DHX40: variants seen among roughly 807,000 people sequenced by gnomAD.
DHX40 encodes the protein DEAH-box helicase 40.
In DHX40, 28 loss-of-function variants were observed where a neutral mutation model predicts 89.6. The observed-to-expected ratio is 0.31, with a 90% CI of 0.23 to 0.43. The LOEUF (loss-of-function observed/expected upper bound fraction) is 0.43, where lower values mean the gene tolerates loss of function less well. Among genes scored for constraint, DHX40 ranks in the 20% least tolerant of loss-of-function variants. DHX40 has a pLI of 1.00. For synonymous variants in DHX40, 226 were observed against 283.6 expected (o/e 0.80, Z 2.04); for missense variants, 457 against 844.0 (o/e 0.54, Z 5.68).
At chr17:59,574,617 A>G (rs1454493202) in intron 6 of DHX40, among the ~76,000 whole-genome samples, 1 of 149,844 alleles carries the variant, frequency 6.7e-6, no homozygotes, top group Admixed American at 6.6e-5. Flanking sequence ...TATATGTAAA[A>G]CACACTGACC....
intron 7 of DHX40, 156 bp from the exon 8 acceptor site, chr17:59,577,110 C>G: frequency 3.0e-6 from 2 of 673,188 alleles, no homozygotes; most frequent in Non-Finnish European, 5.4e-6. Context: ...ACCTTGTGAT[C>G]CTCCCGCCTC....
rs2048833465 is a variant in DHX40, at chr17:59,573,100, G to T, written c.427-16G>T. 2 of 1,599,158 alleles carry T rather than the reference G, an allele frequency of 1.3e-6. No individual in the cohort carries two copies. The highest frequency in any genetic ancestry group is 1.7e-6 in the Non-Finnish European group (2 of 1,175,066). The stretch of plus-strand genomic sequence containing the variant: ...AATAGTGGTGAATTCCTGTGACACT[G>T]CTGTTTGAACATTAGGAGACAGCAA... On this transcript the variant is annotated splice_polypyrimidine_tract_variant and intron_variant, in intron 3 of 17. Transcript: ENST00000251241.
At chr17:59,598,150 A>C (rs1416225265) in intron 12 of DHX40, among the ~76,000 whole-genome samples, 6 of 152,022 alleles carry the variant, frequency 3.9e-5, no homozygotes, top group Admixed American at 3.9e-4. Context: ...TACAGGTGTG[A>C]GCTACCACAC....
At chr17:59,593,739 C>T (rs2049111935) in intron 12 of DHX40, among the ~76,000 whole-genome samples, 1 of 146,780 alleles carries the variant, frequency 6.8e-6, no homozygotes, top group South Asian at 2.2e-4. Flanking sequence ...ACCTTGGCCT[C>T]CCAAAGTGCT....
chr17:59,591,904 T>C (rs2143310296), intron 12 of DHX40, among the ~76,000 whole-genome samples: 1 of 152,042 alleles, frequency 6.6e-6, no homozygotes, highest in East Asian at 1.9e-4. Context: ...AGTCTCACTC[T>C]GTTGCCCAGG....
At chr17:59,603,178 CTG>C (rs1257440778) in intron 15 of DHX40, 2 of 152,092 alleles carry the variant, frequency 1.3e-5, no homozygotes, top group African/African-American at 4.8e-5. Flanking sequence ...GGAATGATCT[CTG>C]TGCTGTTGGA....
chr17:59,581,069 G>A (rs2048940036), intron 10 of DHX40, among the ~76,000 whole-genome samples: 2 of 150,434 alleles, frequency 1.3e-5, no homozygotes, highest in Admixed American at 1.3e-4. Flanking sequence ...TCAACAGAGC[G>A]AGATTCTGTC....
At position 59,570,633 on chromosome 17, in the gene DHX40, C is replaced by A; in HGVS notation, c.396C>A (p.Tyr132Ter). ...MKCTLGSKVG[Y>*]QVRFDDCSSK... The stretch of plus-strand genomic sequence containing the variant: ...GCACTTTGGGATCCAAAGTAGGATA[C>A]CAAGTTCGTTTTGATGATTGCAGTT... The change falls in exon 3 of 18, where the codon TAC (tyrosine) becomes TAA (stop). Residue 132 changes from tyrosine to a stop codon, truncating the protein, a stop_gained. Transcript: ENST00000251241. LOFTEE classifies it high-confidence loss of function. 6.2e-7 allele frequency: 1 copy of A among 1,607,782 alleles called. No individual in the cohort carries two copies. Among genetic ancestry groups the A allele is most frequent in the Admixed American group, 1.7e-5 (1 of 59,194 alleles).
chr17:59,576,449 T>C (rs1294149505), intron 7 of DHX40, among the ~76,000 whole-genome samples: 2 of 152,134 alleles, frequency 1.3e-5, no homozygotes, highest in Non-Finnish European at 2.9e-5. Flanking sequence ...AATGTTTTTA[T>C]ATTTTACATG....
chr17:59,573,061 A>C, intron 3 of DHX40, 55 bp from the exon 4 acceptor site: 2 of 1,562,748 alleles, frequency 1.3e-6, no homozygotes, highest in Non-Finnish European at 1.7e-6. Context: ...CTTGAGGAAA[A>C]ATTTAGTTGG....
Position 59,568,227 on chromosome 17 carries a change from C to A in DHX40, c.280+1433C>A, listed in dbSNP as rs1375980872. ...TGGGCAACAGAGTGAGACTCTGTGT[C>A]AAAAAAAATAAATAAAAATAAAATA... On this transcript the variant is annotated intron_variant, in intron 2 of 17. Coordinates refer to ENST00000251241, the MANE Select transcript of DHX40 (RefSeq NM_024612.5). Among the ~76,000 whole-genome samples, 35 of 151,042 alleles carry A rather than the reference C, an allele frequency of 2.3e-4. 1 individual carries two copies. The highest frequency in any genetic ancestry group is 1.0e-4 in the Non-Finnish European group (7 of 67,768).
intron 3 of DHX40, among the ~76,000 whole-genome samples, chr17:59,572,512 G>A (rs1446262483): frequency 6.6e-6 from 1 of 152,140 alleles, no homozygotes; most frequent in Non-Finnish European, 1.5e-5. Flanking sequence ...CCAAGTAGCT[G>A]GGACTACAGG....
At chr17:59,572,039 T>G (rs2048817368) in intron 3 of DHX40, among the ~76,000 whole-genome samples, 2 of 152,246 alleles carry the variant, frequency 1.3e-5, no homozygotes, top group African/African-American at 4.8e-5. Flanking sequence ...AAAGCTGAAT[T>G]AACAAAATCA....
Position 59,605,183 on chromosome 17 carries a change from C to T in DHX40, c.1970C>T (p.Ala657Val), listed in dbSNP as rs1256222916. 1.2e-6 allele frequency: 2 copies of T among 1,613,792 alleles called. No individual in the cohort carries two copies. The highest frequency in any genetic ancestry group is 1.1e-5 in the South Asian group (1 of 91,074). The change falls in exon 16 of 18, where the codon GCA becomes GTA. Residue 657 changes from alanine to valine, a missense_variant and splice_region_variant. This residue lies in a region of DHX40 where 120 missense variants were observed against 161.7 expected (regional missense o/e 0.74). Transcript: ENST00000251241. ...CCAGTTCACATTCATCCTTCCTCAG[C>T]AGTAAGTACTTCATTTTTAATAAAG... ...GSPVHIHPSS[A>V]LHEQETKLEW... is the part of the protein sequence containing the mutation.
At chr17:59,578,903 A>G (rs2048917819) in intron 8 of DHX40, among the ~76,000 whole-genome samples, 1 of 126,990 alleles carries the variant, frequency 7.9e-6, no homozygotes, top group African/African-American at 2.8e-5. Flanking sequence ...ACTTAGCATA[A>G]TATTTTTGAG....
intron 1 of DHX40, 39 bp downstream of exon 1, chr17:59,565,822 AC>A (rs2143175173): frequency 6.5e-7 from 1 of 1,532,220 alleles, no homozygotes; most frequent in Admixed American, 1.8e-5. Flanking sequence ...AGCGGGAGTT[AC>A]GGCGTGGGGG....
At chr17:59,578,950 C>CT (rs2048918533) in intron 8 of DHX40, among the ~76,000 whole-genome samples, 1 of 135,852 alleles carries the variant, frequency 7.4e-6, no homozygotes, top group African/African-American at 2.6e-5. Flanking sequence ...GTACTTCATT[C>CT]TTTTTTGTGG....
intron 1 of DHX40, 42 bp from the exon 2 acceptor site, chr17:59,566,585 C>G (rs1459884691): frequency 6.5e-7 from 1 of 1,528,662 alleles, no homozygotes; most frequent in African/African-American, 1.4e-5. Flanking sequence ...TCAGAGATAT[C>G]TTTACAAGTC....
At position 59,605,150 on chromosome 17, in the gene DHX40, G is replaced by A. The variant is rs753352443; in HGVS notation, c.1937G>A (p.Arg646His). The A allele has an allele frequency of 5.6e-6, 9 of 1,613,900 alleles. No homozygotes were observed. Among genetic ancestry groups the A allele is most frequent in the Admixed American group, 1.7e-5 (1 of 59,994 alleles). ...AGAACGTTTTGCACAATGGATGGTC[G>A]TGGAAGCCCAGTTCACATTCATCCT... ...VGRTFCTMDG[R>H]GSPVHIHPSS... is the part of the protein sequence containing the mutation. Residue 646 changes from arginine (R) to histidine (H), a missense_variant, in exon 16 of 18, where the codon CGT becomes CAT. Around this residue, in one of 9 missense-constraint regions of DHX40, gnomAD observed 32 missense variants for 60.0 expected, o/e 0.53. Transcript: ENST00000251241.
Sources: allele counts gnomAD v4.1 joint callset (sites outside exome capture counted in the v4.1 genomes callset), GRCh38; gene constraint gnomAD v4.1.1; regional missense constraint gnomAD v4.1.1; transcripts MANE v1.5; gene names NCBI Gene and HGNC (gene_info 2026-07-23, HGNC 2026-07-21).